The following CBFA2T2 variants were observed in gnomAD, a reference collection of about 807,000 sequenced individuals.
The protein encoded by CBFA2T2 is CBFA2/RUNX1 partner transcriptional co-repressor 2.
Under a neutral mutation model 62.2 loss-of-function variants are expected in CBFA2T2, and 11 were observed. The ratio of observed to expected loss-of-function variants is 0.18; its 90% confidence interval spans 0.11 to 0.29. The LOEUF is 0.29. Among genes scored for constraint, CBFA2T2 ranks in the 10% least tolerant of loss-of-function variants. CBFA2T2 has a pLI of 1.00. For missense variants in CBFA2T2, 592 were observed against 774.1 expected, an observed-to-expected ratio of 0.76 and a Z score of 2.79; for synonymous variants, 295 against 287.5, an observed-to-expected ratio of 1.03 and a Z score of -0.27.
chr20:33,616,108 GATA>G (rs1296239643), intron 3 of CBFA2T2, among the ~76,000 whole-genome samples: 1 of 151,670 alleles, frequency 6.6e-6, no homozygotes, highest in East Asian at 1.9e-4. Flanking sequence ...TAGATAGATA[GATA>G]GATAGATAGA....
intron 10 of CBFA2T2, among the ~76,000 whole-genome samples, chr20:33,642,657 AAGAAAAG>A (rs2016900740): frequency 6.6e-6 from 1 of 152,126 alleles, no homozygotes; most frequent in African/African-American, 2.4e-5. Context: ...ATGAGGGGGA[AAGAAAAG>A]AGAATTGTTT....
At chr20:33,490,434 C>A in intron 1 of CBFA2T2, 133 bp downstream of exon 1, 1 of 940,684 alleles carries the variant, frequency 1.1e-6, no homozygotes. Context: ...GCGGCGGATC[C>A]AAGGTCACGC....
In CBFA2T2 at chr20:33,649,991, T is replaced by G. The variant is rs1344883133; in HGVS notation, c.*5345T>G. ...CAAAACTGTTAAATATGTATTTAGT[T>G]TGTTCTACTTAAAGTAGTCAATAAA... On this transcript the variant is annotated 3_prime_UTR_variant, in exon 11 of 11. Coordinates refer to ENST00000342704, the MANE Select transcript of CBFA2T2 (RefSeq NM_001032999.3). 1 of 152,642 alleles carries G rather than the reference T, an allele frequency of 6.6e-6. No homozygotes were observed. Among genetic ancestry groups the G allele is most frequent in the Non-Finnish European group, 1.5e-5 (1 of 68,050 alleles). 9.5% of individuals were successfully genotyped at this position (152,642 alleles called of 1,614,324 possible). A position where few individuals can be genotyped will look rare whatever the true frequency, so the allele number is the denominator to read the frequency against.
chr20:33,495,250 A>G (rs1373876904), intron 1 of CBFA2T2, among the ~76,000 whole-genome samples: 2 of 151,686 alleles, frequency 1.3e-5, no homozygotes, highest in Non-Finnish European at 2.9e-5. Flanking sequence ...ATACAAAAAG[A>G]AGCTGGCTGT....
chr20:33,587,875 G>T (rs1365583284), intron 1 of CBFA2T2, among the ~76,000 whole-genome samples: 1 of 152,222 alleles, frequency 6.6e-6, no homozygotes, highest in Non-Finnish European at 1.5e-5. Flanking sequence ...CAAGGAAAAT[G>T]AGAGTCAGAT....
chr20:33,507,702 A>G (rs1286607169), intron 1 of CBFA2T2, among the ~76,000 whole-genome samples: 2 of 152,122 alleles, frequency 1.3e-5, no homozygotes, highest in Admixed American at 6.6e-5. Context: ...TGACTGCACC[A>G]TACTTTTTCC....
At chr20:33,507,718 AC>A (rs2011428368) in intron 1 of CBFA2T2, among the ~76,000 whole-genome samples, 1 of 152,116 alleles carries the variant, frequency 6.6e-6, no homozygotes, top group African/African-American at 2.4e-5. Context: ...TTTCCCCCCT[AC>A]TGCTGATGGA....
At chr20:33,536,362 C>A (rs1314176908) in intron 1 of CBFA2T2, among the ~76,000 whole-genome samples, 1 of 150,190 alleles carries the variant, frequency 6.7e-6, no homozygotes, top group Non-Finnish European at 1.5e-5. Context: ...CCTCACTTCC[C>A]AGTAGGGGCG....
At chr20:33,518,685 T>C (rs1382428691) in intron 1 of CBFA2T2, among the ~76,000 whole-genome samples, 8 of 149,978 alleles carry the variant, frequency 5.3e-5, no homozygotes, top group Non-Finnish European at 1.2e-4. Flanking sequence ...GGCAGGAGAA[T>C]CTCTTGAACC....
intron 1 of CBFA2T2, among the ~76,000 whole-genome samples, chr20:33,521,452 T>C (rs2011727688): frequency 6.6e-6 from 1 of 152,184 alleles, no homozygotes; most frequent in South Asian, 2.1e-4. Context: ...ATTGTTGTAT[T>C]TGTGTTTTGG....
chr20:33,590,685 C>T lies in CBFA2T2; in HGVS notation c.35-16271C>T, dbSNP rs372375276. 3.8e-4 allele frequency among the ~76,000 whole-genome samples: 58 copies of T among 152,224 alleles called. 1 individual carries two copies. Among genetic ancestry groups the T allele is most frequent in the African/African-American group, 1.4e-3 (57 of 41,556 alleles). On this transcript the variant is annotated intron_variant, in intron 1 of 10. Transcript: ENST00000342704. Reference sequence around the variant, plus strand: ...GGTGTCAGCCAGTCATGGATATTGTCCTGTGGCTTCCCATAAAGAAAGCTA... The same window carrying T: ...GGTGTCAGCCAGTCATGGATATTGTTCTGTGGCTTCCCATAAAGAAAGCTA...
intron 1 of CBFA2T2, among the ~76,000 whole-genome samples, 200 bp from the exon 2 acceptor site, chr20:33,606,756 A>G (rs1194190751): frequency 6.6e-6 from 1 of 151,992 alleles, no homozygotes; most frequent in African/African-American, 2.4e-5. Flanking sequence ...TAACTTAATG[A>G]TATCTTCAAA....
intron 8 of CBFA2T2, among the ~76,000 whole-genome samples, chr20:33,630,767 C>G (rs903104217): frequency 6.6e-6 from 1 of 152,216 alleles, no homozygotes; most frequent in Non-Finnish European, 1.5e-5. Context: ...AAGAACAAGT[C>G]TCTTACGACA....
chr20:33,621,287 C>CTTTTTTTTTTTTTTTTTTTTT lies in CBFA2T2; in HGVS notation c.510+1687_510+1707dup, dbSNP rs199805350. ...TCTATAATACCTTTAATTTTACTGCCTTTTTTTTTTTTTTTTTTTTTTTTT... is the reference window on the plus strand; with the variant it reads ...TCTATAATACCTTTAATTTTACTGCCTTTTTTTTTTTTTTTTTTTTTTTTTTTTTTTTTTTTTTTTTTTTTT... On this transcript the variant is annotated intron_variant, in intron 4 of 10. Transcript: ENST00000342704. Among the ~76,000 whole-genome samples the CTTTTTTTTTTTTTTTTTTTTT allele has an allele frequency of 1.0e-3, 88 of 85,296 alleles. 6 individuals carry two copies. Among genetic ancestry groups the CTTTTTTTTTTTTTTTTTTTTT allele is most frequent in the Non-Finnish European group, 1.3e-3 (58 of 45,980 alleles). 56.0% of individuals were successfully genotyped at this position (85,296 alleles called of 152,430 possible).
intron 1 of CBFA2T2, among the ~76,000 whole-genome samples, chr20:33,510,924 A>G (rs904205749): frequency 6.6e-6 from 1 of 152,148 alleles, no homozygotes; most frequent in Non-Finnish European, 1.5e-5. Flanking sequence ...TTGGCTGCAT[A>G]AATGTCTTCT....
chr20:33,576,192 T>C (rs1006919703), intron 1 of CBFA2T2, among the ~76,000 whole-genome samples: 2 of 152,110 alleles, frequency 1.3e-5, no homozygotes, highest in African/African-American at 4.8e-5. Flanking sequence ...GACCTTAAAG[T>C]AGGAGTTTCT....
intron 1 of CBFA2T2, among the ~76,000 whole-genome samples, chr20:33,555,588 A>G (rs1427428641): frequency 6.6e-6 from 1 of 152,212 alleles, no homozygotes; most frequent in African/African-American, 2.4e-5. Context: ...GAAAGTGGAA[A>G]TATGCCCTTT....
At chr20:33,516,737 T>C (rs1392470430) in intron 1 of CBFA2T2, among the ~76,000 whole-genome samples, 1 of 152,238 alleles carries the variant, frequency 6.6e-6, no homozygotes, top group Admixed American at 6.5e-5. Context: ...CTTTTTGGTA[T>C]ACCTTTATAC....
chr20:33,556,078 G>T (rs991986334), intron 1 of CBFA2T2, among the ~76,000 whole-genome samples: 1 of 152,196 alleles, frequency 6.6e-6, no homozygotes, highest in African/African-American at 2.4e-5. Context: ...CGTTGCTCCG[G>T]CTGGTCTCGA....
Sources: allele counts gnomAD v4.1 joint callset (sites outside exome capture counted in the v4.1 genomes callset), GRCh38; gene constraint gnomAD v4.1.1; transcripts MANE v1.5; gene names NCBI Gene and HGNC (gene_info 2026-07-23, HGNC 2026-07-21).